Variants in MYBL1 observed in about 807,000 individuals in gnomAD.
MYBL1 encodes the protein MYB proto-oncogene like 1, also known as myb-related protein A.
MYBL1 carries 17 observed loss-of-function variants against 96.3 expected under a neutral mutation model. That is an observed-to-expected ratio of 0.18 (90% CI 0.12 to 0.26). The LOEUF is 0.26. Ranked by LOEUF, MYBL1 falls within the 10% of genes least tolerant of loss-of-function variation. The pLI is 1.00. For synonymous variants in MYBL1, 282 were observed against 292.7 expected (o/e 0.96, Z 0.37); for missense variants, 701 against 882.9 (o/e 0.79, Z 2.61).
chr8:66,606,485 T>C (rs368156798), intron 1 of MYBL1, among the ~76,000 whole-genome samples: 10 of 152,350 alleles, frequency 6.6e-5, no homozygotes, highest in African/African-American at 1.9e-4. Context: ...GTTAAGCGCA[T>C]GCAAGTAGTT....
intron 3 of MYBL1, among the ~76,000 whole-genome samples, chr8:66,601,177 CAAAAAA>C (rs1167336780): frequency 1.4e-4 from 2 of 13,910 alleles, no homozygotes; most frequent in East Asian, 2.2e-3. Context: ...AACTCCGTCT[CAAAAAA>C]AAAAAAAAAA....
chr8:66,612,934 T>C lies in MYBL1; in HGVS notation c.-96A>G. ...TCCTTCTCCCCGATCCTCTAGCCGC[T>C]TCCCTCGCTCCCTCTGGAGGCGGCC... On this transcript the variant is annotated 5_prime_UTR_variant, in exon 1 of 16. Coordinates refer to ENST00000522677, the MANE Select transcript of MYBL1 (RefSeq NM_001080416.4). 1 of 1,260,376 alleles carries C rather than the reference T, an allele frequency of 7.9e-7. No individual in the cohort carries two copies. The highest frequency in any genetic ancestry group is 1.5e-5 in the African/African-American group (1 of 65,190). 78.1% of individuals were successfully genotyped at this position (1,260,376 alleles called of 1,614,324 possible).
At chr8:66,576,572 T>C (rs1808957978) in intron 9 of MYBL1, among the ~76,000 whole-genome samples, 197 bp from the exon 10 acceptor site, 1 of 152,166 alleles carries the variant, frequency 6.6e-6, no homozygotes, top group South Asian at 2.1e-4. Flanking sequence ...AAATACATAA[T>C]AGTTCATCTA....
chr8:66,600,480 T>C (rs1363990963), intron 3 of MYBL1, among the ~76,000 whole-genome samples: 1 of 152,250 alleles, frequency 6.6e-6, no homozygotes, highest in Non-Finnish European at 1.5e-5. Flanking sequence ...TTAATGCTAA[T>C]GTAAATAACT....
At chr8:66,592,138 C>T (rs903287359) in intron 8 of MYBL1, among the ~76,000 whole-genome samples, 1 of 151,866 alleles carries the variant, frequency 6.6e-6, no homozygotes, top group African/African-American at 2.4e-5. Flanking sequence ...TGGTGGCAGG[C>T]ACCTGTAGTC....
At chr8:66,584,323 G>A (rs1228730916) in intron 8 of MYBL1, among the ~76,000 whole-genome samples, 4 of 152,170 alleles carry the variant, frequency 2.6e-5, no homozygotes, top group African/African-American at 7.2e-5. Context: ...AGACAAGGAT[G>A]TCCATTTTCA....
In MYBL1 at chr8:66,580,266, C is replaced by T; in HGVS notation, c.968G>A (p.Ser323Asn). 2 of 1,613,866 alleles carry T rather than the reference C, an allele frequency of 1.2e-6. No individual in the cohort carries two copies. The highest frequency in any genetic ancestry group is 1.3e-5 in the African/African-American group (1 of 75,042). The change falls in exon 9 of 16, where the codon AGT (serine) becomes AAT (asparagine). Residue 323 changes from serine to asparagine, a missense_variant. Ser to Asn is a conservative substitution (Grantham distance 46). Coordinates refer to ENST00000522677, the MANE Select transcript of MYBL1 (RefSeq NM_001080416.4). ...AGACACAGGCTGATTTTCATCCATA[C>T]TGTAAAACTCACTAGTGTGCTCGTC... is the stretch of plus-strand genomic sequence containing the variant. ...SLDEHTSEFY[S>N]MDENQPVSAQ... is the part of the protein sequence containing the mutation.
At chr8:66,601,500 C>A (rs569876122) in intron 3 of MYBL1, among the ~76,000 whole-genome samples, 198 bp downstream of exon 3, 1 of 152,092 alleles carries the variant, frequency 6.6e-6, no homozygotes, top group Non-Finnish European at 1.5e-5. Context: ...CCTGGATAAA[C>A]GCATTACTAG....
chr8:66,576,504 CA>C (rs1403677516), intron 9 of MYBL1, 129 bp from the exon 10 acceptor site: 22 of 1,098,400 alleles, frequency 2.0e-5, no homozygotes, highest in Non-Finnish European at 2.6e-5. Flanking sequence ...TTTCCTTGGA[CA>C]TTTTTTTTAA....
At chr8:66,605,041 A>AT (rs1181786340) in intron 1 of MYBL1, among the ~76,000 whole-genome samples, 1 of 152,228 alleles carries the variant, frequency 6.6e-6, no homozygotes. Flanking sequence ...TAGTAGCCAC[A>AT]TTTTTTAAAA....
chr8:66,593,297 C>A, intron 6 of MYBL1, 103 bp from the exon 7 acceptor site: 1 of 638,606 alleles, frequency 1.6e-6, no homozygotes, highest in Non-Finnish European at 2.7e-6. Context: ...ATATAAAAAA[C>A]TTAGAAAGTA....
At chr8:66,603,306 T>C (rs796516713) in intron 1 of MYBL1, among the ~76,000 whole-genome samples, 13 of 152,212 alleles carry the variant, frequency 8.5e-5, no homozygotes, top group South Asian at 2.1e-4. Context: ...CAAGAAATTA[T>C]TGGGGCCTGA....
In MYBL1 at chr8:66,563,702, A is replaced by T. The variant is rs1277201510; in HGVS notation, c.*995T>A. Reference sequence around the variant, plus strand: ...TATATGACCACCCCCGATATAATTTAAAAAGAAAATATTAAATTATTATTT... The same window carrying T: ...TATATGACCACCCCCGATATAATTTTAAAAGAAAATATTAAATTATTATTT... On this transcript the variant is annotated 3_prime_UTR_variant, in exon 16 of 16. Coordinates refer to ENST00000522677, the MANE Select transcript of MYBL1 (RefSeq NM_001080416.4). The T allele has an allele frequency of 3.3e-5, 5 of 152,332 alleles. No individual in the cohort carries two copies. The highest frequency in any genetic ancestry group is 1.5e-5 in the Non-Finnish European group (1 of 67,958). 9.4% of individuals were successfully genotyped at this position (152,332 alleles called of 1,614,324 possible).
rs1163734408 is a variant in MYBL1, at chr8:66,576,392, T to C, written c.1102-17A>G. The C allele has an allele frequency of 6.3e-7, 1 of 1,582,790 alleles. No homozygotes were observed. Among genetic ancestry groups the C allele is most frequent in the Non-Finnish European group, 8.6e-7 (1 of 1,167,542 alleles). ...TACAGGATCCTGCAATAAATTAAAC[T>C]GTTAATAAAGTTAATGCTGTAACCT... is the stretch of plus-strand genomic sequence containing the variant. On this transcript the variant is annotated splice_polypyrimidine_tract_variant and intron_variant, in intron 9 of 15. Coordinates refer to ENST00000522677, the MANE Select transcript of MYBL1 (RefSeq NM_001080416.4).
At chr8:66,602,699 CTATATATATATA>C (rs67236935) in intron 1 of MYBL1, among the ~76,000 whole-genome samples, 176 bp from the exon 2 acceptor site, 38 of 27,268 alleles carry the variant, frequency 1.4e-3, no homozygotes, top group African/African-American at 5.0e-3. Flanking sequence ...TGGGGTGGAG[CTATATATATATA>C]TATATATATA....
At chr8:66,574,795 C>G (rs1269173242) in intron 10 of MYBL1, among the ~76,000 whole-genome samples, 1 of 152,252 alleles carries the variant, frequency 6.6e-6, no homozygotes, top group Non-Finnish European at 1.5e-5. Flanking sequence ...TGGCTCACGC[C>G]TGTAATCCCA....
intron 10 of MYBL1, among the ~76,000 whole-genome samples, chr8:66,573,843 G>A (rs1251442199): frequency 1.3e-5 from 2 of 152,182 alleles, no homozygotes; most frequent in Non-Finnish European, 2.9e-5. Flanking sequence ...AACAGCTGCT[G>A]TGTTAAATGT....
At chr8:66,602,720 TA>T (rs1810134460) in intron 1 of MYBL1, among the ~76,000 whole-genome samples, 197 bp from the exon 2 acceptor site, 12 of 45,332 alleles carry the variant, frequency 2.6e-4, no homozygotes, top group African/African-American at 1.2e-3. Context: ...TATATATATA[TA>T]TATATATATA....
At chr8:66,595,488 T>C (rs1022134364) in intron 6 of MYBL1, 95 bp downstream of exon 6, 1 of 609,154 alleles carries the variant, frequency 1.6e-6, no homozygotes, top group Non-Finnish European at 2.5e-6. Context: ...TACCCCTTAA[T>C]ACGCATTGTA....
Sources: gnomAD v4.1 joint callset for allele counts (sites outside exome capture counted in the v4.1 genomes callset) on GRCh38, gnomAD v4.1.1 for gene constraint, MANE v1.5 for transcripts, NCBI Gene and HGNC (gene_info 2026-07-23, HGNC 2026-07-21) for gene names.